The following OPHN1 variants were observed in gnomAD, a reference collection of about 807,000 sequenced individuals.
OPHN1 encodes oligophrenin 1, also known as oligophrenin-1.
A neutral mutation model predicts 60.7 loss-of-function variants in OPHN1; 11 were observed. The observed-to-expected ratio is 0.18, with a 90% CI of 0.11 to 0.30. The LOEUF (loss-of-function observed/expected upper bound fraction) is 0.30. Among genes scored for constraint, OPHN1 ranks in the 10% least tolerant of loss-of-function variants. The probability of loss-of-function intolerance (pLI) is 1.00; values close to 1 mark genes in which losing one functional copy is unlikely to be tolerated. For synonymous variants in OPHN1, 226 were observed against 222.6 expected (o/e 1.02, Z -0.14); for missense variants, 449 against 611.0 (o/e 0.73, Z 2.80).
intron 16 of OPHN1, among the ~76,000 whole-genome samples, chrX:68,115,950 C>A (rs189954362): frequency 9.0e-4 from 101 of 111,810 alleles, no homozygotes; most frequent in African/African-American, 3.1e-3. Flanking sequence ...TTAAGAAATA[C>A]ATTGGTTTGG....
chrX:68,319,277 A>T (rs1352952023), intron 2 of OPHN1, among the ~76,000 whole-genome samples: 1 of 112,218 alleles, frequency 8.9e-6, no homozygotes, highest in Non-Finnish European at 1.9e-5. Context: ...ATAAAAATGA[A>T]CCTCAACTTA....
intron 21 of OPHN1, among the ~76,000 whole-genome samples, chrX:68,056,001 T>C (rs1438972527): frequency 9.0e-6 from 1 of 111,031 alleles, no homozygotes; most frequent in African/African-American, 3.3e-5. Context: ...ATACCTAATG[T>C]AAATGATGAG....
intron 6 of OPHN1, among the ~76,000 whole-genome samples, chrX:68,226,666 A>G (rs1249786444): frequency 9.0e-6 from 1 of 111,637 alleles, no homozygotes; most frequent in Admixed American, 9.6e-5. Flanking sequence ...AATACTTTAC[A>G]GACAAGCAAA....
At position 68,411,104 on chromosome X, in the gene OPHN1, T is replaced by C. The variant is rs190179834; in HGVS notation, c.154+21763A>G. Among the ~76,000 whole-genome samples the C allele has an allele frequency of 1.2e-4, 13 of 105,524 alleles. No homozygotes were observed. In the East Asian group the frequency reaches 4.0e-3, roughly 32 times the overall value. The allele number at this position is 105,524 out of a possible 115,157, so 91.6% of individuals were successfully genotyped here. A position where few individuals can be genotyped will look rare whatever the true frequency, so the allele number is the denominator to read the frequency against. ...TAATGTGCACAGGAATCATACAAAA[T>C]ATAAGAATTCAAAGAAAGGCAAGGT... On this transcript the variant is annotated intron_variant, in intron 2 of 24. Transcript: ENST00000355520.
chrX:68,320,548 C>A lies in OPHN1; in HGVS notation c.155-21452G>T, dbSNP rs570088528. On this transcript the variant is annotated intron_variant, in intron 2 of 24. Coordinates refer to ENST00000355520, the MANE Select transcript of OPHN1 (RefSeq NM_002547.3). ...CAGTTTCTATGAATGAACCCCCCCC[C>A]ATTTTTCTATATTCTCACAACACAG... 3.5e-4 allele frequency among the ~76,000 whole-genome samples: 39 copies of A among 110,400 alleles called. No individual in the cohort carries two copies. In the South Asian group the frequency reaches 9.9e-3, roughly 28 times the overall value.
intron 21 of OPHN1, among the ~76,000 whole-genome samples, chrX:68,054,419 G>A (rs951532920): frequency 1.8e-5 from 2 of 110,632 alleles, no homozygotes; most frequent in Non-Finnish European, 3.8e-5. Context: ...TGTGAACTGG[G>A]CTTATTTTAT....
intron 16 of OPHN1, among the ~76,000 whole-genome samples, chrX:68,113,665 T>C (rs1602165265): frequency 9.1e-6 from 1 of 110,335 alleles, no homozygotes; most frequent in Non-Finnish European, 1.9e-5. Context: ...CAGGCTCAAA[T>C]GGGTTTACTC....
intron 5 of OPHN1, among the ~76,000 whole-genome samples, chrX:68,271,266 C>T (rs1383801968): frequency 9.1e-6 from 1 of 110,383 alleles, no homozygotes; most frequent in Non-Finnish European, 1.9e-5. Context: ...TAGCTCACGC[C>T]TGTAATTCTA....
rs747223446 is a variant in OPHN1, at chrX:68,255,740, A to AAC, written c.384+18996_384+18997dup. ...CGCTCTACATACACACACACACACA[A>AAC]ACACACACACACACACACACACACC... On this transcript the variant is annotated intron_variant, in intron 5 of 24. Transcript: ENST00000355520. 9.6e-3 allele frequency among the ~76,000 whole-genome samples: 972 copies of AAC among 101,093 alleles called. 9 individuals carry two copies. The highest frequency in any genetic ancestry group is 0.021 in the African/African-American group (592 of 27,836). 87.8% of individuals were successfully genotyped at this position (101,093 alleles called of 115,157 possible). A position where few individuals can be genotyped will look rare whatever the true frequency, so the allele number is the denominator to read the frequency against.
At chrX:68,054,944 T>G (rs780973002) in intron 21 of OPHN1, among the ~76,000 whole-genome samples, 1 of 112,235 alleles carries the variant, frequency 8.9e-6, no homozygotes, top group Non-Finnish European at 1.9e-5. Flanking sequence ...CATATACAAC[T>G]ATAAAATTTA....
chrX:68,065,607 T>A (rs1209855514), intron 20 of OPHN1, among the ~76,000 whole-genome samples: 1 of 111,814 alleles, frequency 8.9e-6, no homozygotes, highest in Non-Finnish European at 1.9e-5. Flanking sequence ...CAGTTCTGCT[T>A]CTTACCGACT....
chrX:68,306,587 TGTCCA>T (rs1180621938), intron 2 of OPHN1, among the ~76,000 whole-genome samples: 2 of 112,167 alleles, frequency 1.8e-5, no homozygotes, highest in African/African-American at 6.5e-5. Context: ...TCTAAAATAA[TGTCCA>T]GTATAAAGTA....
chrX:68,402,182 C>T (rs931942409), intron 2 of OPHN1, among the ~76,000 whole-genome samples: 16 of 108,427 alleles, frequency 1.5e-4, no homozygotes, highest in Non-Finnish European at 1.1e-4. Context: ...AAGGTGGAGA[C>T]GAATGCAAAA....
At chrX:68,090,313 T>C (rs929418860) in intron 19 of OPHN1, among the ~76,000 whole-genome samples, 35 of 109,342 alleles carry the variant, frequency 3.2e-4, no homozygotes, top group African/African-American at 1.2e-3. Flanking sequence ...AAAATACAAA[T>C]GTATAAAATA....
chrX:68,228,300 T>C (rs1206566604), intron 6 of OPHN1, among the ~76,000 whole-genome samples: 1 of 111,756 alleles, frequency 8.9e-6, no homozygotes, highest in Non-Finnish European at 1.9e-5. Flanking sequence ...CAGGACCAGA[T>C]GGATTCACAG....
chrX:68,276,980 ATCTGCCAGG>A (rs1160373809), intron 4 of OPHN1, among the ~76,000 whole-genome samples: 1 of 111,683 alleles, frequency 9.0e-6, no homozygotes, highest in Non-Finnish European at 1.9e-5. Flanking sequence ...ATATCAACTC[ATCTGCCAGG>A]TAAATGCCAT....
chrX:68,375,230 T>A (rs753248262), intron 2 of OPHN1, among the ~76,000 whole-genome samples: 35 of 112,267 alleles, frequency 3.1e-4, no homozygotes, highest in Non-Finnish European at 6.0e-4. Context: ...TGGTGGCTCA[T>A]ACCTGGAACC....
intron 2 of OPHN1, among the ~76,000 whole-genome samples, chrX:68,423,457 C>G (rs1050505085): frequency 1.9e-5 from 2 of 107,337 alleles, no homozygotes; most frequent in African/African-American, 6.9e-5. Flanking sequence ...TTTTTTCAAA[C>G]AGCTCTGAGA....
At chrX:68,145,870 C>T (rs2077261824) in intron 15 of OPHN1, among the ~76,000 whole-genome samples, 1 of 111,695 alleles carries the variant, frequency 9.0e-6, no homozygotes, top group Non-Finnish European at 1.9e-5. Flanking sequence ...GGCAAACTTA[C>T]CACCACTGGG....
Sources: gnomAD v4.1 joint callset for allele counts (sites outside exome capture counted in the v4.1 genomes callset) on GRCh38, gnomAD v4.1.1 for gene constraint, MANE v1.5 for transcripts, NCBI Gene and HGNC (gene_info 2026-07-23, HGNC 2026-07-21) for gene names.